NCAM2: variants seen among roughly 807,000 people sequenced by gnomAD.
The protein encoded by NCAM2 is N-CAM-2.
A neutral mutation model predicts 98.1 loss-of-function variants in NCAM2; 30 were observed. That is an observed-to-expected ratio of 0.31 (90% CI 0.23 to 0.41). The LOEUF (loss-of-function observed/expected upper bound fraction) is 0.41, where lower values mean the gene tolerates loss of function less well. NCAM2 is among the 10% of genes least tolerant of loss of function. NCAM2 has a pLI of 1.00. For synonymous variants in NCAM2, 368 were observed against 342.4 expected (o/e 1.07, Z -0.83); for missense variants, 867 against 1,005.8 (o/e 0.86, Z 1.87).
chr21:21,284,778 A>G (rs556096864), intron 3 of NCAM2, among the ~76,000 whole-genome samples: 1 of 151,746 alleles, frequency 6.6e-6, no homozygotes, highest in South Asian at 2.1e-4. Context: ...AGCACTGACC[A>G]TTGTAGAATG....
intron 15 of NCAM2, among the ~76,000 whole-genome samples, chr21:21,492,272 TATAAGTTATATGGTC>T (rs1408257469): frequency 3.3e-5 from 5 of 151,896 alleles, no homozygotes; most frequent in Non-Finnish European, 1.5e-5. Flanking sequence ...ATTTCTGACC[TATAAGTTATATGGTC>T]ATATGTCTTA....
At position 21,187,156 on chromosome 21, in the gene NCAM2, G is replaced by A. The variant is rs532924327; in HGVS notation, c.56-93422G>A. On this transcript the variant is annotated intron_variant, in intron 1 of 17. Coordinates refer to ENST00000400546, the MANE Select transcript of NCAM2 (RefSeq NM_004540.5). ...GGAGAATCCCTTGAACCTGGGAGGCGGAGGTTGCAGTGAGCCAAGATAGCG... is the reference window on the plus strand; with the variant it reads ...GGAGAATCCCTTGAACCTGGGAGGCAGAGGTTGCAGTGAGCCAAGATAGCG... Among the ~76,000 whole-genome samples, 10 of 152,048 alleles carry A rather than the reference G, an allele frequency of 6.6e-5. No homozygotes were observed. In the East Asian group the frequency reaches 1.5e-3, roughly 24 times the overall value.
At chr21:21,170,074 G>T (rs1036264471) in intron 1 of NCAM2, among the ~76,000 whole-genome samples, 1 of 152,176 alleles carries the variant, frequency 6.6e-6, no homozygotes, top group African/African-American at 2.4e-5. Flanking sequence ...CCTTATTATA[G>T]TGGCCAAAAT....
intron 1 of NCAM2, among the ~76,000 whole-genome samples, chr21:21,053,990 A>G (rs1454793298): frequency 6.7e-6 from 1 of 150,176 alleles, no homozygotes; most frequent in African/African-American, 2.5e-5. Context: ...GGTATGTGTT[A>G]TGATTTCCGT....
At chr21:21,220,266 G>C (rs914196538) in intron 1 of NCAM2, among the ~76,000 whole-genome samples, 2 of 152,052 alleles carry the variant, frequency 1.3e-5, no homozygotes, top group Non-Finnish European at 2.9e-5. Context: ...AGTCCTGCAA[G>C]TTCTATTCAT....
At chr21:21,125,775 A>G (rs577468258) in intron 1 of NCAM2, among the ~76,000 whole-genome samples, 1 of 148,428 alleles carries the variant, frequency 6.7e-6, no homozygotes, top group African/African-American at 2.5e-5. Context: ...TTTTTTTCAA[A>G]CAAACCTACT....
intron 12 of NCAM2, among the ~76,000 whole-genome samples, chr21:21,455,971 T>C (rs1982081903): frequency 6.6e-6 from 1 of 151,978 alleles, no homozygotes; most frequent in Non-Finnish European, 1.5e-5. Flanking sequence ...CAATATAATA[T>C]TAAAAATTCT....
At chr21:21,347,244 C>T (rs768963515) in intron 8 of NCAM2, among the ~76,000 whole-genome samples, 33 of 151,818 alleles carry the variant, frequency 2.2e-4, no homozygotes, top group South Asian at 4.1e-4. Flanking sequence ...AAGAAATAGA[C>T]GAATTCCTAT....
intron 16 of NCAM2, among the ~76,000 whole-genome samples, chr21:21,519,002 A>G (rs1193745710): frequency 2.0e-5 from 3 of 152,154 alleles, no homozygotes; most frequent in Non-Finnish European, 2.9e-5. Flanking sequence ...CTGGTAATAC[A>G]ACAATCAAGG....
rs534953218 is a variant in NCAM2 at position 21,530,514 on chromosome 21, A to G, written c.2283-4023A>G. ...TTTCCTTCCTTCCCAATAATTTTCC[A>G]TGTGGTCTATAGTTTGTAAAAAATA... is the stretch of plus-strand genomic sequence containing the variant. On this transcript the variant is annotated intron_variant, in intron 16 of 17. Transcript: ENST00000400546. Among the ~76,000 whole-genome samples, 213 of 150,826 alleles carry G rather than the reference A, an allele frequency of 1.4e-3. 1 individual carries two copies. Among genetic ancestry groups the G allele is most frequent in the Non-Finnish European group, 2.4e-3 (160 of 67,560 alleles).
chr21:21,138,441 T>C (rs2067103904), intron 1 of NCAM2, among the ~76,000 whole-genome samples: 1 of 147,170 alleles, frequency 6.8e-6, no homozygotes, highest in Non-Finnish European at 1.5e-5. Flanking sequence ...ACAGTAGTCG[T>C]AGTTCCCCAA....
chr21:21,511,735 T>C (rs1212244982), intron 16 of NCAM2, among the ~76,000 whole-genome samples: 4 of 152,048 alleles, frequency 2.6e-5, no homozygotes, highest in Non-Finnish European at 5.9e-5. Context: ...ATGGTTTTCA[T>C]TTCTTCACAT....
chr21:21,442,175 C>G (rs1181368689), intron 12 of NCAM2, among the ~76,000 whole-genome samples: 1 of 152,062 alleles, frequency 6.6e-6, no homozygotes, highest in African/African-American at 2.4e-5. Context: ...TAGGATCACT[C>G]TAGCTACTAT....
Position 21,514,924 on chromosome 21 carries a change from A to G in NCAM2, c.2282+5869A>G, listed in dbSNP as rs562848867. On this transcript the variant is annotated intron_variant, in intron 16 of 17. Transcript: ENST00000400546. ...CTTTGCCATGGTTGTTTTCTAACTG[A>G]TAGAATAAGTTCTCCAAGTTTGTTG... Among the ~76,000 whole-genome samples the G allele has an allele frequency of 4.6e-5, 7 of 152,274 alleles. No homozygotes were observed. The South Asian group carries it at 1.4e-3, about 32-fold the overall frequency.
intron 1 of NCAM2, among the ~76,000 whole-genome samples, chr21:21,265,141 A>AATATATATACATAC (rs2072165944): frequency 8.4e-6 from 1 of 119,680 alleles, no homozygotes; most frequent in Non-Finnish European, 1.6e-5. Context: ...ATACATATAT[A>AATATATATACATAC]ATATATATAC....
At chr21:21,108,088 T>A (rs2066386190) in intron 1 of NCAM2, among the ~76,000 whole-genome samples, 1 of 152,152 alleles carries the variant, frequency 6.6e-6, no homozygotes, top group African/African-American at 2.4e-5. Context: ...TGTAATTTAA[T>A]TCTTTAAATC....
chr21:21,283,839 A>C (rs945221951), intron 2 of NCAM2, among the ~76,000 whole-genome samples: 2 of 152,056 alleles, frequency 1.3e-5, no homozygotes, highest in African/African-American at 4.8e-5. Context: ...ATTATCTATA[A>C]GTGGGTTGTA....
At chr21:21,100,504 A>G (rs1414478672) in intron 1 of NCAM2, among the ~76,000 whole-genome samples, 1 of 151,958 alleles carries the variant, frequency 6.6e-6, no homozygotes, top group African/African-American at 2.4e-5. Context: ...ACGGGGAGAA[A>G]GGAGCATGAC....
At chr21:21,318,368 CT>C (rs1052599329) in intron 5 of NCAM2, among the ~76,000 whole-genome samples, 3 of 152,094 alleles carry the variant, frequency 2.0e-5, no homozygotes, top group Admixed American at 1.3e-4. Context: ...GGAAAGACTT[CT>C]TTTGACAAAA....
Sources: allele counts gnomAD v4.1 joint callset (sites outside exome capture counted in the v4.1 genomes callset), GRCh38; gene constraint gnomAD v4.1.1; transcripts MANE v1.5; gene names NCBI Gene and HGNC (gene_info 2026-07-23, HGNC 2026-07-21).